The following OPCML variants were observed in gnomAD, a reference collection of about 807,000 sequenced individuals.
OPCML encodes the protein opioid binding protein/cell adhesion molecule like.
Under a neutral mutation model 37.8 loss-of-function variants are expected in OPCML, and 13 were observed. The observed-to-expected ratio is 0.34, with a 90% CI of 0.22 to 0.55. The LOEUF is 0.55. Ranked by LOEUF, OPCML falls within the 20% of genes least tolerant of loss-of-function variation. The probability of loss-of-function intolerance (pLI) is 0.91; values close to 1 mark genes in which losing one functional copy is unlikely to be tolerated. For synonymous variants in OPCML, 176 were observed against 168.8 expected, an observed-to-expected ratio of 1.04 and a Z score of -0.33; for missense variants, 341 against 435.6, an observed-to-expected ratio of 0.78 and a Z score of 1.93.
Position 133,517,012 on chromosome 11 carries a change from C to T in OPCML, c.61+15252G>A, listed in dbSNP as rs142898865. Among the ~76,000 whole-genome samples, 976 of 152,294 alleles carry T rather than the reference C, an allele frequency of 6.4e-3. 9 individuals are homozygous for T. Among genetic ancestry groups the T allele is most frequent in the Middle Eastern group, 0.017 (5 of 294 alleles). On this transcript the variant is annotated intron_variant, in intron 1 of 7. Coordinates refer to ENST00000524381, the MANE Select transcript of OPCML (RefSeq NM_001012393.5). ...AGCTGTGGCCAAGGACACATCCCCA[C>T]GCGAAGTCCCAGAGGGAGGCAGTCA...
intron 2 of OPCML, among the ~76,000 whole-genome samples, chr11:132,924,093 T>C (rs1279715552): frequency 6.6e-6 from 1 of 151,200 alleles, no homozygotes; most frequent in Non-Finnish European, 1.5e-5. Context: ...GTTCCTGCCC[T>C]CAAGAAACTA....
At chr11:133,226,333 C>T (rs1463112186) in intron 1 of OPCML, among the ~76,000 whole-genome samples, 5 of 152,216 alleles carry the variant, frequency 3.3e-5, no homozygotes, top group Admixed American at 1.3e-4. Flanking sequence ...TGCCGTGATT[C>T]GTATTTATGG....
chr11:133,166,457 T>C lies in OPCML; in HGVS notation c.62-223447A>G, dbSNP rs186567319. On this transcript the variant is annotated intron_variant, in intron 1 of 7. Transcript: ENST00000524381. The stretch of plus-strand genomic sequence containing the variant: ...AGAGCTGGGAGTCAGGCCCAGGATG[T>C]GCAACTCCAGTGTCTGTACCTTAAT... 3.3e-3 allele frequency among the ~76,000 whole-genome samples: 506 copies of C among 152,354 alleles called. 5 individuals carry two copies. The highest frequency in any genetic ancestry group is 0.012 in the African/African-American group (496 of 41,578).
chr11:133,355,495 A>T (rs907049086), intron 1 of OPCML, among the ~76,000 whole-genome samples: 43 of 152,180 alleles, frequency 2.8e-4, no homozygotes, highest in African/African-American at 8.7e-4. Context: ...ATTTGGAAAA[A>T]AACTTCTAGG....
At chr11:133,189,234 T>A (rs1938209708) in intron 1 of OPCML, among the ~76,000 whole-genome samples, 1 of 152,132 alleles carries the variant, frequency 6.6e-6, no homozygotes, top group South Asian at 2.1e-4. Context: ...AGAACCTGGA[T>A]AAAGAAATAA....
intron 4 of OPCML, among the ~76,000 whole-genome samples, chr11:132,528,495 A>G (rs917254288): frequency 2.0e-5 from 3 of 152,198 alleles, no homozygotes; most frequent in African/African-American, 7.2e-5. Flanking sequence ...TAAGTTGGAA[A>G]TGGTTTTAAC....
At chr11:133,091,381 T>A (rs933399569) in intron 1 of OPCML, among the ~76,000 whole-genome samples, 1 of 152,138 alleles carries the variant, frequency 6.6e-6, no homozygotes, top group African/African-American at 2.4e-5. Flanking sequence ...GTCTCCCCCA[T>A]ACCACAGAAC....
intron 4 of OPCML, among the ~76,000 whole-genome samples, chr11:132,506,501 A>T (rs1171834280): frequency 6.6e-6 from 1 of 152,158 alleles, no homozygotes; most frequent in Non-Finnish European, 1.5e-5. Flanking sequence ...AATTAAGCTA[A>T]ATGAAAATGC....
chr11:132,716,600 C>T (rs576497134), intron 2 of OPCML, among the ~76,000 whole-genome samples: 3 of 152,266 alleles, frequency 2.0e-5, no homozygotes, highest in East Asian at 3.9e-4. Context: ...CTAGGAGATG[C>T]AATTTAATAG....
intron 1 of OPCML, among the ~76,000 whole-genome samples, chr11:132,951,138 A>C (rs1671448905): frequency 6.6e-6 from 1 of 151,948 alleles, no homozygotes; most frequent in Non-Finnish European, 1.5e-5. Context: ...CCTTACATTC[A>C]CTCATCTTAC....
At position 133,438,377 on chromosome 11, in the gene OPCML, G is replaced by T. The variant is rs1946288833; in HGVS notation, c.61+93887C>A. On this transcript the variant is annotated intron_variant, in intron 1 of 7. Coordinates refer to ENST00000524381, the MANE Select transcript of OPCML (RefSeq NM_001012393.5). ...ATAAAATCAATTCAGCCACAGGCAA[G>T]ATCCAAACAAATAATGAAAAAACAA... Among the ~76,000 whole-genome samples, 4 of 152,096 alleles carry T rather than the reference G, an allele frequency of 2.6e-5. No homozygotes were observed. The South Asian group carries it at 8.3e-4, about 32-fold the overall frequency.
At chr11:133,076,374 C>T (rs1025871675) in intron 1 of OPCML, among the ~76,000 whole-genome samples, 31 of 152,146 alleles carry the variant, frequency 2.0e-4, no homozygotes, top group African/African-American at 7.2e-4. Context: ...TGGCATTCCT[C>T]CACTGTAAGC....
intron 1 of OPCML, among the ~76,000 whole-genome samples, chr11:133,143,504 A>G (rs1002393224): frequency 3.3e-5 from 5 of 152,156 alleles, no homozygotes; most frequent in Admixed American, 2.6e-4. Context: ...GCAGACCCAC[A>G]TAGTATTGTG....
intron 1 of OPCML, among the ~76,000 whole-genome samples, chr11:133,223,370 A>C (rs1360400787): frequency 6.6e-6 from 1 of 152,222 alleles, no homozygotes; most frequent in Non-Finnish European, 1.5e-5. Context: ...GGTCCCAATC[A>C]ACTGTAGCTT....
At chr11:132,472,316 C>CA in intron 4 of OPCML, among the ~76,000 whole-genome samples, 1 of 152,098 alleles carries the variant, frequency 6.6e-6, no homozygotes, top group African/African-American at 2.4e-5. Context: ...AAGCACTCCA[C>CA]AAAAATCTGC....
rs573391719 is a variant in OPCML, at chr11:133,425,771, C to T, written c.61+106493G>A. 3.1e-4 allele frequency among the ~76,000 whole-genome samples: 47 copies of T among 152,222 alleles called. 1 individual carries two copies. The South Asian group carries it at 9.6e-3, about 31-fold the overall frequency. On this transcript the variant is annotated intron_variant, in intron 1 of 7. Transcript: ENST00000524381. ...TTATTATAAAATTTTCTGTACATAACAAAATAGAGAATAGTAAACACGAAT... is the reference window on the plus strand; with the variant it reads ...TTATTATAAAATTTTCTGTACATAATAAAATAGAGAATAGTAAACACGAAT...
chr11:132,712,787 C>A (rs535122636), intron 2 of OPCML, among the ~76,000 whole-genome samples: 1 of 152,284 alleles, frequency 6.6e-6, no homozygotes, highest in East Asian at 1.9e-4. Flanking sequence ...AGCTCTGGCA[C>A]GGGGCAGCCT....
chr11:132,679,723 C>T (rs954954506), intron 2 of OPCML, among the ~76,000 whole-genome samples: 2 of 152,180 alleles, frequency 1.3e-5, no homozygotes, highest in Non-Finnish European at 1.5e-5. Context: ...ACAAGGTGCA[C>T]ACTTTAAATG....
At chr11:132,793,043 T>TGGCTGGGGACTATC (rs1399215990) in intron 2 of OPCML, among the ~76,000 whole-genome samples, 2 of 152,150 alleles carry the variant, frequency 1.3e-5, no homozygotes, top group Non-Finnish European at 2.9e-5. Context: ...CTGCTGGTGC[T>TGGCTGGGGACTATC]GGCTGGGGAC....
Sources: allele counts gnomAD v4.1 joint callset (sites outside exome capture counted in the v4.1 genomes callset), GRCh38; gene constraint gnomAD v4.1.1; transcripts MANE v1.5; gene names NCBI Gene and HGNC (gene_info 2026-07-23, HGNC 2026-07-21).